The following GNAS variants were observed in gnomAD, a reference collection of about 807,000 sequenced individuals.
GNAS encodes protein ALEX.
Under a neutral mutation model 54.5 loss-of-function variants are expected in GNAS, and 8 were observed. That is an observed-to-expected ratio of 0.15 (90% CI 0.09 to 0.26). The LOEUF is 0.26. GNAS is among the 10% of genes least tolerant of loss of function. The pLI, the probability that GNAS is intolerant of heterozygous loss-of-function variation, is 1.00. For missense variants in GNAS, 170 were observed against 529.8 expected (o/e 0.32, Z 6.67); for synonymous variants, 204 against 191.4 (o/e 1.07, Z -0.54).
intron 1 of GNAS, among the ~76,000 whole-genome samples, chr20:58,843,763 G>A (rs555763097): frequency 1.3e-5 from 2 of 152,296 alleles, no homozygotes; most frequent in South Asian, 4.1e-4. Context: ...TTGCTTTTGT[G>A]GGGGAGGGGA....
At chr20:58,903,404 A>C in intron 3 of GNAS, 127 bp from the exon 4 acceptor site, 1 of 835,498 alleles carries the variant, frequency 1.2e-6, no homozygotes, top group Non-Finnish European at 2.0e-6. Flanking sequence ...ATCTTTGCAC[A>C]GATCCGAACC....
At chr20:58,892,251 G>C in intron 1 of GNAS, 2 of 909,168 alleles carry the variant, frequency 2.2e-6, no homozygotes, top group Non-Finnish European at 2.6e-6. Context: ...TGGGGCTCCG[G>C]AGACTGCGAC....
Position 58,857,752 on chromosome 20 carries a change from G to C in GNAS, c.43+16866G>C, listed in dbSNP as rs917384854. Among the ~76,000 whole-genome samples, 1 of 152,190 alleles carries C rather than the reference G, an allele frequency of 6.6e-6. No homozygotes were observed. The highest frequency in any genetic ancestry group is 1.5e-5 in the Non-Finnish European group (1 of 68,044). ...GCAGCCATCAATCCTGCAGCAAACT[G>C]TCCATGTTTGGGACCAGTCTTAAGA... On this transcript the variant is annotated intron_variant, in intron 1 of 12. Coordinates refer to the GNAS transcript ENST00000306090. The surrounding 1 kb of genome is among the most constrained non-coding windows in gnomAD (Gnocchi z 4.1).
At chr20:58,840,554 C>A (rs1326714027), upstream of GNAS, 4 of 1,613,110 alleles carry the variant, frequency 2.5e-6, no homozygotes, top group Admixed American at 1.7e-5. This position sits in a 1 kb window ranked among gnomAD's most constrained non-coding sequence, Gnocchi z 6.0. Flanking sequence ...CCCGGTGGTG[C>A]CCAAGCACTC....
Position 58,910,468 on chromosome 20 carries a change from T to C in GNAS, c.1038+67T>C. On this transcript the variant is annotated intron_variant, in intron 12 of 12. Coordinates refer to ENST00000371085, the MANE Select transcript of GNAS (RefSeq NM_000516.7). This position sits in a 1 kb window ranked among gnomAD's most constrained non-coding sequence, Gnocchi z 5.8. ...CTTTTTCTCATGGATGTAAATTTACTTAATTCCAAATTCAGGGGTTCAGCT... is the reference window on the plus strand; with the variant it reads ...CTTTTTCTCATGGATGTAAATTTACCTAATTCCAAATTCAGGGGTTCAGCT... 1.5e-6 allele frequency: 2 copies of C among 1,343,106 alleles called. No individual in the cohort carries two copies. The highest frequency in any genetic ancestry group is 2.1e-6 in the Non-Finnish European group (2 of 933,872). The allele number at this position is 1,343,106 out of a possible 1,614,324, so 83.2% of individuals were successfully genotyped here. A position where few individuals can be genotyped will look rare whatever the true frequency, so the allele number is the denominator to read the frequency against.
At chr20:58,899,407 GT>G (rs1321171935) in intron 3 of GNAS, 4 of 517,356 alleles carry the variant, frequency 7.7e-6, no homozygotes, top group African/African-American at 2.0e-5. Context: ...AACAAAATTT[GT>G]TTCCTTTATT....
intron 1 of GNAS, among the ~76,000 whole-genome samples, chr20:58,858,971 T>C (rs1045833063): frequency 3.3e-5 from 5 of 152,198 alleles, no homozygotes; most frequent in African/African-American, 1.2e-4. Flanking sequence ...AAGTCTGAAA[T>C]TCTACCTTGG....
chr20:58,865,913 C>T (rs903268731), intron 1 of GNAS, among the ~76,000 whole-genome samples: 3 of 152,128 alleles, frequency 2.0e-5, no homozygotes, highest in African/African-American at 7.2e-5. Context: ...CTTAAATGAT[C>T]ACATCTTCCA....
intron 1 of GNAS, chr20:58,895,371 CCAG>C: frequency 2.0e-6 from 1 of 508,836 alleles, no homozygotes. Context: ...AAAATTAAAA[CCAG>C]CAAACCTTAA....
At chr20:58,842,600 G>GT in intron 1 of GNAS, 1 of 398,346 alleles carries the variant, frequency 2.5e-6, no homozygotes, top group Non-Finnish European at 4.4e-6. Context: ...CGACAGCAAT[G>GT]TTAGTCTCAG....
intron 1 of GNAS, among the ~76,000 whole-genome samples, chr20:58,868,760 T>A (rs2087229831): frequency 6.6e-6 from 1 of 152,082 alleles, no homozygotes; most frequent in Admixed American, 6.6e-5. Flanking sequence ...TTAAATGGGG[T>A]TCTTATTTTG....
At chr20:58,874,406 C>T (rs1404138641) in intron 1 of GNAS, among the ~76,000 whole-genome samples, 3 of 152,244 alleles carry the variant, frequency 2.0e-5, no homozygotes, top group Non-Finnish European at 4.4e-5. Flanking sequence ...CCCAATATTT[C>T]CCACCTAACC....
intron 1 of GNAS, among the ~76,000 whole-genome samples, chr20:58,883,358 A>C (rs867468553): frequency 4.6e-5 from 7 of 152,218 alleles, no homozygotes; most frequent in African/African-American, 1.4e-4. Flanking sequence ...GTAGAGACTA[A>C]GGCAACCGAA....
At chr20:58,894,508 TAAAA>T (rs570023295) in intron 1 of GNAS, among the ~76,000 whole-genome samples, 163 of 152,284 alleles carry the variant, frequency 1.1e-3, no homozygotes, top group South Asian at 8.5e-3. Context: ...AATTAAAAGT[TAAAA>T]AGAAAGAAAA....
chr20:58,884,604 C>T (rs879502260), intron 1 of GNAS: 1 of 152,154 alleles, frequency 6.6e-6, no homozygotes, highest in Non-Finnish European at 1.5e-5. Context: ...AACTAGTCTC[C>T]CTACATTATT....
chr20:58,906,031 C>CT (rs1011201805), intron 6 of GNAS, among the ~76,000 whole-genome samples: 1 of 152,144 alleles, frequency 6.6e-6, no homozygotes, highest in African/African-American at 2.4e-5. Flanking sequence ...CTTTTGAACT[C>CT]TATTTCATAT....
intron 6 of GNAS, among the ~76,000 whole-genome samples, chr20:58,905,974 C>T (rs1344237491): frequency 6.6e-6 from 1 of 152,134 alleles, no homozygotes; most frequent in East Asian, 1.9e-4. Context: ...CCTAGTGTTA[C>T]TAGATCCTAG....
At chr20:58,870,558 A>C (rs2087373744) in intron 1 of GNAS, among the ~76,000 whole-genome samples, 1 of 152,198 alleles carries the variant, frequency 6.6e-6, no homozygotes, top group Non-Finnish European at 1.5e-5. Flanking sequence ...AATGGAAAAA[A>C]AGCCCCATGT....
chr20:58,840,715 C>T (rs753292441), upstream of GNAS: 17 of 1,603,858 alleles, frequency 1.1e-5, no homozygotes, highest in Non-Finnish European at 1.4e-5. This position sits in a 1 kb window ranked among gnomAD's most constrained non-coding sequence, Gnocchi z 6.0. Flanking sequence ...ATCCAAGGGA[C>T]CCCGAAGAGT....
Sources: allele counts gnomAD v4.1 joint callset (sites outside exome capture counted in the v4.1 genomes callset), GRCh38; gene constraint gnomAD v4.1.1; non-coding constraint Gnocchi (gnomAD v3.1); transcripts MANE v1.5; gene names NCBI Gene and HGNC (gene_info 2026-07-23, HGNC 2026-07-21).